ACO2: variants seen among roughly 807,000 people sequenced by gnomAD.
ACO2 encodes aconitase 2.
Under a neutral mutation model 84.5 loss-of-function variants are expected in ACO2, and 31 were observed. The observed-to-expected ratio is 0.37, with a 90% CI of 0.28 to 0.50. The LOEUF (loss-of-function observed/expected upper bound fraction) is 0.50, where lower values mean the gene tolerates loss of function less well. ACO2 is among the 20% of genes least tolerant of loss of function. The probability of loss-of-function intolerance (pLI) is 0.97; values close to 1 mark genes in which losing one functional copy is unlikely to be tolerated. For missense variants in ACO2, 685 were observed against 1,029.3 expected (o/e 0.67, Z 4.58); for synonymous variants, 414 against 412.7 (o/e 1.00, Z -0.04).
At chr22:41,525,403 C>G in intron 14 of ACO2, 55 bp downstream of exon 14, 1 of 1,599,530 alleles carries the variant, frequency 6.3e-7, no homozygotes, top group East Asian at 2.2e-5. Flanking sequence ...CCCCCGTCCC[C>G]TGAGCATCGG....
chr22:41,509,676 G>A (rs545172002), intron 3 of ACO2, among the ~76,000 whole-genome samples: 4 of 152,044 alleles, frequency 2.6e-5, no homozygotes, highest in Non-Finnish European at 5.9e-5. Flanking sequence ...GAGGGGGCCT[G>A]TACTGCTGGA....
chr22:41,527,540 C>G (rs557670430), intron 16 of ACO2, 120 bp downstream of exon 16: 1 of 1,373,752 alleles, frequency 7.3e-7, no homozygotes, highest in Non-Finnish European at 9.8e-7. Context: ...CCCACAGGCC[C>G]GTCAGCCTCT....
rs2066661449 is a variant in ACO2 at position 41,528,835 on chromosome 22, A to G, written c.*222A>G. On this transcript the variant is annotated 3_prime_UTR_variant, in exon 18 of 18. Transcript: ENST00000216254. Reference sequence around the variant, plus strand: ...CTATTTTGAGTTTGGTTCAGATCTTAAGCAGCTCCATGCAACTGTATTTAT... The same window carrying G: ...CTATTTTGAGTTTGGTTCAGATCTTGAGCAGCTCCATGCAACTGTATTTAT... 3.3e-6 allele frequency: 2 copies of G among 597,270 alleles called. No homozygotes were observed. Among genetic ancestry groups the G allele is most frequent in the Non-Finnish European group, 5.7e-6 (2 of 348,792 alleles). 37.0% of individuals were successfully genotyped at this position (597,270 alleles called of 1,614,324 possible).
At chr22:41,479,285 G>A (rs976611120) in intron 1 of ACO2, among the ~76,000 whole-genome samples, 20 of 152,136 alleles carry the variant, frequency 1.3e-4, no homozygotes, top group Admixed American at 6.6e-5. Flanking sequence ...GCGGAGAAAC[G>A]CATTACCCAC....
chr22:41,522,165 C>T (rs1159593515), intron 9 of ACO2, among the ~76,000 whole-genome samples: 2 of 152,156 alleles, frequency 1.3e-5, no homozygotes, highest in Admixed American at 6.5e-5. Context: ...TTTGTCTCTA[C>T]AAAAACAATT....
At chr22:41,486,469 ATTTTTTT>A (rs1186941362) in intron 1 of ACO2, among the ~76,000 whole-genome samples, 17 of 104,488 alleles carry the variant, frequency 1.6e-4, no homozygotes, top group African/African-American at 5.5e-4. Context: ...AACTTTTTGT[ATTTTTTT>A]TTTTTTTTTT....
chr22:41,517,733 C>T, intron 7 of ACO2, 102 bp downstream of exon 7: 2 of 1,041,638 alleles, frequency 1.9e-6, no homozygotes, highest in Non-Finnish European at 2.9e-6. Context: ...GTTCTTAACC[C>T]ATTGTCTCCA....
chr22:41,504,711 CTTTTTTTT>C (rs926246283), intron 2 of ACO2, among the ~76,000 whole-genome samples: 1 of 48,604 alleles, frequency 2.1e-5, no homozygotes, highest in African/African-American at 7.7e-5. Context: ...ACCTTAGGGA[CTTTTTTTT>C]TTTTTTTTTT....
intron 1 of ACO2, among the ~76,000 whole-genome samples, chr22:41,470,272 C>A (rs546234203): frequency 6.6e-6 from 1 of 152,230 alleles, no homozygotes; most frequent in African/African-American, 2.4e-5. Flanking sequence ...TTTGTGAATT[C>A]CTTTTGGATC....
intron 1 of ACO2, among the ~76,000 whole-genome samples, chr22:41,496,556 G>A (rs2066315038): frequency 6.6e-6 from 1 of 152,086 alleles, no homozygotes; most frequent in Non-Finnish European, 1.5e-5. Flanking sequence ...TTAAACCCAG[G>A]GCTCTGCTAC....
intron 1 of ACO2, among the ~76,000 whole-genome samples, chr22:41,486,933 G>T (rs1008415436): frequency 4.0e-5 from 6 of 151,826 alleles, no homozygotes; most frequent in African/African-American, 1.5e-4. Context: ...GCCCAGGCTG[G>T]AGTGCAGTGG....
rs2066341092 is a variant in ACO2 at position 41,499,812 on chromosome 22, G to A, written c.123G>A (p.Glu41=). The A allele has an allele frequency of 6.2e-7, 1 of 1,614,150 alleles. No individual in the cohort carries two copies. Among genetic ancestry groups the A allele is most frequent in the Non-Finnish European group, 8.5e-7 (1 of 1,180,046 alleles). ...CGATGAGCCACTTTGAGCCCAACGA[G>A]TACATCCATTATGACCTGCTAGAGA... ...KVAMSHFEPN[E]YIHYDLLEKN... Residue 41 remains glutamate (E), a synonymous_variant, in exon 2 of 18, where the codon GAG becomes GAA. Coordinates refer to ENST00000216254, the MANE Select transcript of ACO2 (RefSeq NM_001098.3).
At chr22:41,472,360 A>G (rs1164612599) in intron 1 of ACO2, among the ~76,000 whole-genome samples, 1 of 152,064 alleles carries the variant, frequency 6.6e-6, no homozygotes, top group Non-Finnish European at 1.5e-5. Context: ...CTCAAAAAAA[A>G]AAAAAAAAAA....
At chr22:41,483,812 T>C (rs1449402104) in intron 1 of ACO2, among the ~76,000 whole-genome samples, 1 of 152,090 alleles carries the variant, frequency 6.6e-6, no homozygotes, top group Non-Finnish European at 1.5e-5. Flanking sequence ...ATGTGTTCTC[T>C]CAAAACGACA....
At chr22:41,528,376 ACCTCTTAGGTCCCCAGGCAGTGC>A in intron 17 of ACO2, 80 bp from the exon 18 acceptor site, 1 of 1,494,696 alleles carries the variant, frequency 6.7e-7, no homozygotes, top group Non-Finnish European at 9.0e-7. Context: ...TTGCCTGCTG[ACCTCTTAGGTCCCCAGGCAGTGC>A]CCTGTCTCCC....
At chr22:41,508,809 T>A (rs1228214055) in intron 3 of ACO2, among the ~76,000 whole-genome samples, 1 of 152,142 alleles carries the variant, frequency 6.6e-6, no homozygotes, top group Non-Finnish European at 1.5e-5. Flanking sequence ...CTCCAGCCCC[T>A]GCAGTGGGAG....
chr22:41,483,319 A>G (rs1020616179), intron 1 of ACO2, among the ~76,000 whole-genome samples: 5 of 152,120 alleles, frequency 3.3e-5, no homozygotes, highest in Admixed American at 3.3e-4. Flanking sequence ...AGTGTGTTTT[A>G]CTTTTGGAAT....
chr22:41,513,528 G>A lies in ACO2; in HGVS notation c.525+1560G>A, dbSNP rs1377353933. The stretch of plus-strand genomic sequence containing the variant: ...CCTTCCTCCACATCACAGCTTTCTG[G>A]TTCCTCTGTGGAGCCTCCCCGGCCC... On this transcript the variant is annotated intron_variant, in intron 4 of 17. Transcript: ENST00000216254. Among the ~76,000 whole-genome samples the A allele has an allele frequency of 3.9e-5, 6 of 152,288 alleles. 1 individual carries two copies. In the South Asian group the frequency reaches 1.0e-3, roughly 26 times the overall value.
intron 14 of ACO2, 59 bp downstream of exon 14, chr22:41,525,407 G>GCAT (rs2066573454): frequency 6.3e-7 from 1 of 1,594,070 alleles, no homozygotes; most frequent in Non-Finnish European, 8.6e-7. Context: ...CGTCCCCTGA[G>GCAT]CATCGGGAAG....
Sources: allele counts gnomAD v4.1 joint callset (sites outside exome capture counted in the v4.1 genomes callset), GRCh38; gene constraint gnomAD v4.1.1; transcripts MANE v1.5; gene names NCBI Gene and HGNC (gene_info 2026-07-23, HGNC 2026-07-21).